WDR7: variants seen among roughly 807,000 people sequenced by gnomAD.
WDR7 encodes the protein WD repeat-containing protein 7.
In WDR7, 46 loss-of-function variants were observed where a neutral mutation model predicts 169.4. The observed-to-expected ratio is 0.27, with a 90% CI of 0.21 to 0.35. The LOEUF (loss-of-function observed/expected upper bound fraction) is 0.35, where lower values mean the gene tolerates loss of function less well. WDR7 is among the 10% of genes least tolerant of loss of function. WDR7 has a pLI of 1.00. For missense variants in WDR7, 1,534 were observed against 1,859.3 expected (o/e 0.83, Z 3.22); for synonymous variants, 612 against 666.8 (o/e 0.92, Z 1.27).
At chr18:56,940,106 G>T (rs2047014351) in intron 25 of WDR7, among the ~76,000 whole-genome samples, 1 of 152,040 alleles carries the variant, frequency 6.6e-6, no homozygotes, top group African/African-American at 2.4e-5. Context: ...TCTCCATGCG[G>T]TCGTTAGAAA....
At chr18:56,780,525 A>G (rs893255497) in intron 18 of WDR7, among the ~76,000 whole-genome samples, 2 of 152,204 alleles carry the variant, frequency 1.3e-5, no homozygotes, top group African/African-American at 4.8e-5. Context: ...TTTCAATTAT[A>G]AAGAGTTAAT....
In WDR7 at chr18:56,757,090, G is replaced by A. The variant is rs140380861; in HGVS notation, c.2497G>A (p.Val833Ile). 171 of 1,614,104 alleles carry A rather than the reference G, an allele frequency of 1.1e-4. No homozygotes were observed. Among genetic ancestry groups the A allele is most frequent in the East Asian group, 3.1e-4 (14 of 44,872 alleles). The change falls in exon 15 of 28, where the codon GTA becomes ATA. Residue 833 changes from valine (V) to isoleucine (I), a missense_variant. Transcript: ENST00000254442. ...TGGAATGCTGAAACCCCACTGCACC[G>A]TATCGTTTGGCCTCTTGTCAAGAGG... ...RLGMLKPHCT[V>I]SFGLLSRGGH...
At chr18:56,795,437 A>C (rs1329066855) in intron 19 of WDR7, among the ~76,000 whole-genome samples, 1 of 152,130 alleles carries the variant, frequency 6.6e-6, no homozygotes, top group Non-Finnish European at 1.5e-5. Context: ...CTTTCATTTG[A>C]ATCTTAGAGT....
intron 25 of WDR7, among the ~76,000 whole-genome samples, chr18:56,953,306 A>C (rs1335338784): frequency 1.3e-5 from 2 of 152,252 alleles, no homozygotes; most frequent in African/African-American, 4.8e-5. Context: ...TGATATTTAT[A>C]ACACTATATG....
At chr18:56,912,834 T>C (rs2046570704) in intron 21 of WDR7, among the ~76,000 whole-genome samples, 1 of 152,136 alleles carries the variant, frequency 6.6e-6, no homozygotes, top group South Asian at 2.1e-4. Flanking sequence ...CACATCCAGT[T>C]CCATGGCCTC....
At chr18:56,877,546 TGAAAAGAAAAGTATA>T (rs1451604806) in intron 20 of WDR7, among the ~76,000 whole-genome samples, 2 of 152,134 alleles carry the variant, frequency 1.3e-5, no homozygotes, top group Non-Finnish European at 2.9e-5. Flanking sequence ...GTATAGAATA[TGAAAAGAAAAGTATA>T]GACCAGTCTC....
At chr18:56,679,953 G>A (rs1256197778) in intron 3 of WDR7, among the ~76,000 whole-genome samples, 4 of 152,184 alleles carry the variant, frequency 2.6e-5, no homozygotes, top group Admixed American at 6.5e-5. Context: ...GTTATTAAAT[G>A]TTTAAAAAGA....
chr18:56,672,403 G>T, intron 1 of WDR7, 94 bp from the exon 2 acceptor site: 95 of 731,508 alleles, frequency 1.3e-4, no homozygotes, highest in Middle Eastern at 8.3e-4. Context: ...AGGAATATAT[G>T]ATTATTTTCA....
chr18:56,856,515 C>A (rs1427731022), intron 20 of WDR7, among the ~76,000 whole-genome samples: 1 of 151,822 alleles, frequency 6.6e-6, no homozygotes, highest in Non-Finnish European at 1.5e-5. Context: ...GCCTAGGTGA[C>A]AGAGCAAGAC....
chr18:56,667,651 T>A (rs1221088693), intron 1 of WDR7, among the ~76,000 whole-genome samples: 2 of 152,224 alleles, frequency 1.3e-5, no homozygotes, highest in Non-Finnish European at 2.9e-5. Context: ...ATCCTTTACT[T>A]AGAAAGCTTT....
intron 12 of WDR7, among the ~76,000 whole-genome samples, chr18:56,708,446 TGAG>T (rs1201215265): frequency 6.6e-6 from 1 of 152,102 alleles, no homozygotes; most frequent in African/African-American, 2.4e-5. Flanking sequence ...AGTTCTAAGT[TGAG>T]GAGTGAGAAA....
intron 14 of WDR7, among the ~76,000 whole-genome samples, chr18:56,743,556 A>G (rs2043652143): frequency 6.6e-6 from 1 of 152,200 alleles, no homozygotes; most frequent in Non-Finnish European, 1.5e-5. Flanking sequence ...AAGGATCGAA[A>G]TGTGTTTGTC....
At chr18:56,905,724 C>A (rs1373898555) in intron 21 of WDR7, among the ~76,000 whole-genome samples, 2 of 151,290 alleles carry the variant, frequency 1.3e-5, no homozygotes, top group Non-Finnish European at 2.9e-5. Flanking sequence ...AATCCAGGAG[C>A]GATTTATCTA....
chr18:56,869,095 A>G (rs1363170276), intron 20 of WDR7, among the ~76,000 whole-genome samples: 1 of 152,158 alleles, frequency 6.6e-6, no homozygotes, highest in African/African-American at 2.4e-5. Flanking sequence ...TACTTGAAAA[A>G]CATGTGAATT....
chr18:56,850,986 T>C (rs980626313), intron 20 of WDR7, among the ~76,000 whole-genome samples: 1 of 152,152 alleles, frequency 6.6e-6, no homozygotes, highest in Non-Finnish European at 1.5e-5. Context: ...GTTCTCTCTA[T>C]TAAATTTCTG....
chr18:57,013,933 T>C (rs2048172626), intron 26 of WDR7, among the ~76,000 whole-genome samples: 1 of 152,234 alleles, frequency 6.6e-6, no homozygotes, highest in Admixed American at 6.5e-5. Flanking sequence ...CCACAATTGC[T>C]GTTTTCTGAT....
chr18:56,858,456 A>G (rs776577773), intron 20 of WDR7, among the ~76,000 whole-genome samples: 1 of 151,844 alleles, frequency 6.6e-6, no homozygotes, highest in Non-Finnish European at 1.5e-5. Context: ...ACTATTTCAC[A>G]TTCTTTTTTT....
At position 56,772,757 on chromosome 18, in the gene WDR7, T is replaced by C. The variant is rs1444831994; in HGVS notation, c.2849-4025T>C. ...ATATAGATAGTATATATATTTATAT[T>C]GGGAGTAAAGGAAAGGAGATTGGTT... On this transcript the variant is annotated intron_variant, in intron 16 of 27. Coordinates refer to ENST00000254442, the MANE Select transcript of WDR7 (RefSeq NM_015285.3). Among the ~76,000 whole-genome samples the C allele has an allele frequency of 6.6e-5, 10 of 151,514 alleles. No individual in the cohort carries two copies. The East Asian group carries it at 1.9e-3, about 29-fold the overall frequency.
At chr18:56,909,056 A>AT (rs1452746329) in intron 21 of WDR7, among the ~76,000 whole-genome samples, 1 of 152,078 alleles carries the variant, frequency 6.6e-6, no homozygotes, top group African/African-American at 2.4e-5. Context: ...ACCCTGTGTT[A>AT]TTTTTACTCC....
Sources: allele counts gnomAD v4.1 joint callset (sites outside exome capture counted in the v4.1 genomes callset), GRCh38; gene constraint gnomAD v4.1.1; transcripts MANE v1.5; gene names NCBI Gene and HGNC (gene_info 2026-07-23, HGNC 2026-07-21).